The following ZNF536 variants were observed in gnomAD, a reference collection of about 807,000 sequenced individuals.
ZNF536 encodes the protein zinc finger protein 536.
ZNF536 carries 13 observed loss-of-function variants against 84.5 expected under a neutral mutation model. That is an observed-to-expected ratio of 0.15 (90% CI 0.10 to 0.24). The LOEUF is 0.24. ZNF536 is among the 10% of genes least tolerant of loss of function. The probability of loss-of-function intolerance (pLI) is 1.00; values close to 1 mark genes in which losing one functional copy is unlikely to be tolerated. For missense variants in ZNF536, 1,536 were observed against 1,747.5 expected (o/e 0.88, Z 2.16); for synonymous variants, 811 against 742.5 (o/e 1.09, Z -1.50).
chr19:30,499,853 G>A (rs2145283730), intron 2 of ZNF536, among the ~76,000 whole-genome samples: 1 of 152,228 alleles, frequency 6.6e-6, no homozygotes, highest in East Asian at 1.9e-4. Flanking sequence ...TCCATGTTCT[G>A]GTGGCTGCAT....
chr19:30,467,423 T>A (rs2053459350), intron 2 of ZNF536, among the ~76,000 whole-genome samples: 1 of 152,202 alleles, frequency 6.6e-6, no homozygotes, highest in Non-Finnish European at 1.5e-5. Context: ...CAAGATTCAT[T>A]CATGTTGCAG....
chr19:30,256,469 G>C (rs185954962), intron 1 of ZNF536, among the ~76,000 whole-genome samples: 2 of 152,164 alleles, frequency 1.3e-5, no homozygotes, highest in Non-Finnish European at 2.9e-5. Flanking sequence ...CAATAGCGAC[G>C]TATGTTTAAT....
At chr19:30,278,179 T>A (rs980173820) in intron 1 of ZNF536, among the ~76,000 whole-genome samples, 2 of 152,184 alleles carry the variant, frequency 1.3e-5, no homozygotes, top group East Asian at 3.9e-4. Context: ...GGGGATCACA[T>A]GGAGAAGCAC....
chr19:30,358,306 A>G (rs536608930), intron 3 of ZNF536, among the ~76,000 whole-genome samples: 1 of 152,312 alleles, frequency 6.6e-6, no homozygotes. Flanking sequence ...ACCAGAACCC[A>G]CGCATTTATG....
At chr19:30,426,060 G>A (rs2051199889) in intron 1 of ZNF536, among the ~76,000 whole-genome samples, 1 of 152,164 alleles carries the variant, frequency 6.6e-6, no homozygotes, top group Non-Finnish European at 1.5e-5. Context: ...CCCCAACTGG[G>A]CATGACTGTG....
At chr19:30,622,083 C>T (rs1294769103) in intron 1 of ZNF536, among the ~76,000 whole-genome samples, 1 of 152,202 alleles carries the variant, frequency 6.6e-6, no homozygotes, top group Non-Finnish European at 1.5e-5. Context: ...TCCATTTCTC[C>T]TGCTGATGCA....
Position 30,549,428 on chromosome 19 carries a change from C to A in ZNF536, c.3809C>A (p.Ala1270Asp), listed in dbSNP as rs766906828. ...ATGAACATGCTGTCGGTCCTCAGGG[C>A]CTACAGTTCTGATGGCTTAGCAGCC... ...KPMNMLSVLR[A>D]YSSDGLAAFN... is the part of the protein sequence containing the mutation. The change falls in exon 4 of 5, where the codon GCC (alanine) becomes GAC (aspartate). Residue 1270 changes from alanine (A) to aspartate (D), a missense_variant. This residue lies in a region of ZNF536 where 624 missense variants were observed against 603.1 expected (regional missense o/e 1.03). Coordinates refer to ENST00000355537, the MANE Select transcript of ZNF536 (RefSeq NM_014717.3). The A allele has an allele frequency of 1.3e-6, 2 of 1,571,412 alleles. No individual in the cohort carries two copies. Among genetic ancestry groups the A allele is most frequent in the East Asian group, 4.5e-5 (2 of 44,538 alleles).
At chr19:30,460,086 A>C (rs535671957) in intron 2 of ZNF536, among the ~76,000 whole-genome samples, 6 of 152,112 alleles carry the variant, frequency 3.9e-5, no homozygotes. Flanking sequence ...CATGCCACCA[A>C]ACAGAGCAGC....
chr19:30,471,083 A>C (rs748880535), intron 2 of ZNF536, among the ~76,000 whole-genome samples: 16 of 151,608 alleles, frequency 1.1e-4, no homozygotes, highest in African/African-American at 1.7e-4. Flanking sequence ...GTCCTCCCAA[A>C]GTGCTGGGAT....
chr19:30,357,749 C>T (rs913396969), intron 3 of ZNF536, among the ~76,000 whole-genome samples: 3 of 152,122 alleles, frequency 2.0e-5, no homozygotes, highest in African/African-American at 7.2e-5. Flanking sequence ...CCTGAGCCTC[C>T]CAGCTGTGGG....
chr19:30,447,516 C>A (rs147921994), intron 2 of ZNF536, among the ~76,000 whole-genome samples: 68 of 152,280 alleles, frequency 4.5e-4, no homozygotes, highest in African/African-American at 1.6e-3. Context: ...GGATTTATTA[C>A]GGATGAGACA....
At chr19:30,441,885 C>T (rs111714908) in intron 1 of ZNF536, among the ~76,000 whole-genome samples, 192 of 152,320 alleles carry the variant, frequency 1.3e-3, no homozygotes, top group African/African-American at 4.2e-3. Flanking sequence ...GTCAGGTCTC[C>T]CATTGGAGAC....
intron 4 of ZNF536, chr19:30,553,849 A>G (rs1268062660): frequency 6.6e-6 from 1 of 152,264 alleles, no homozygotes; most frequent in Non-Finnish European, 1.5e-5. Flanking sequence ...CATGAAATAA[A>G]TATCAGCAAG....
chr19:30,236,655 A>G (rs1394961951), intron 1 of ZNF536, among the ~76,000 whole-genome samples: 2 of 152,154 alleles, frequency 1.3e-5, no homozygotes, highest in Non-Finnish European at 1.5e-5. Flanking sequence ...GCTGCAAGGT[A>G]GCAATTTTCC....
chr19:30,577,239 G>T (rs1029091431), intron 1 of ZNF536, among the ~76,000 whole-genome samples: 8 of 152,054 alleles, frequency 5.3e-5, no homozygotes, highest in Non-Finnish European at 8.8e-5. Context: ...GTGTAAATTT[G>T]CTTCATGGTT....
intron 2 of ZNF536, among the ~76,000 whole-genome samples, chr19:30,455,755 T>C (rs2052811308): frequency 6.6e-6 from 1 of 152,246 alleles, no homozygotes. Flanking sequence ...CTCTTTTGGC[T>C]ATTTTGAAAT....
intron 2 of ZNF536, among the ~76,000 whole-genome samples, chr19:30,325,615 C>T (rs2146307292): frequency 6.6e-6 from 1 of 152,308 alleles, no homozygotes; most frequent in Middle Eastern, 3.4e-3. Context: ...AAGTTTCTTG[C>T]ATCTGTCCTT....
chr19:30,577,264 C>T lies in ZNF536; in HGVS notation c.169+27750C>T, dbSNP rs113299938. 2.5e-3 allele frequency among the ~76,000 whole-genome samples: 386 copies of T among 151,974 alleles called. 1 individual carries two copies. Among genetic ancestry groups the T allele is most frequent in the African/African-American group, 8.9e-3 (368 of 41,440 alleles). On this transcript the variant is annotated intron_variant, in intron 1 of 1. Coordinates refer to the ZNF536 transcript ENST00000592773. The stretch of plus-strand genomic sequence containing the variant: ...GCTTCATGGTTAAGGCCTTGTATGC[C>T]AAGTTTTAGTCTGAATTACATATTT...
At chr19:30,283,227 T>C (rs577424402) in intron 1 of ZNF536, among the ~76,000 whole-genome samples, 3 of 152,362 alleles carry the variant, frequency 2.0e-5, no homozygotes, top group Admixed American at 2.0e-4. Flanking sequence ...GTTTGCCCCA[T>C]AACATCCCTT....
Sources: gnomAD v4.1 joint callset for allele counts (sites outside exome capture counted in the v4.1 genomes callset) on GRCh38, gnomAD v4.1.1 for gene constraint, gnomAD v4.1.1 regional missense constraint, MANE v1.5 for transcripts, NCBI Gene and HGNC (gene_info 2026-07-23, HGNC 2026-07-21) for gene names.